HS3ST4: variants seen among roughly 807,000 people sequenced by gnomAD.
HS3ST4 encodes the protein heparan sulfate glucosamine 3-O-sulfotransferase 4.
A neutral mutation model predicts 29.2 loss-of-function variants in HS3ST4; 17 were observed. That is an observed-to-expected ratio of 0.58 (90% confidence interval 0.40 to 0.87). The LOEUF is 0.87. HS3ST4 is among the 40% of genes least tolerant of loss of function. The pLI is 0.00. For missense variants in HS3ST4, 627 were observed against 634.5 expected, an observed-to-expected ratio of 0.99 and a Z score of 0.13; for synonymous variants, 314 against 285.7, an observed-to-expected ratio of 1.10 and a Z score of -1.00.
intron 1 of HS3ST4, among the ~76,000 whole-genome samples, chr16:26,064,610 CTTT>C (rs869047078): frequency 4.5e-5 from 4 of 88,978 alleles, no homozygotes; most frequent in Non-Finnish European, 6.5e-5. Context: ...GGATTGTAGT[CTTT>C]TTTTTTTTTT....
In HS3ST4 at chr16:26,064,122, G is replaced by A. The variant is rs113802457; in HGVS notation, c.735-71490G>A. On this transcript the variant is annotated intron_variant, in intron 1 of 1. Coordinates refer to ENST00000331351, the MANE Select transcript of HS3ST4 (RefSeq NM_006040.3). Reference sequence around the variant, plus strand: ...CGTATGTGCTGTCTGCATGTTGGGGGCTATGGTGAGCCAGACAGCACAGAC... The same window carrying A: ...CGTATGTGCTGTCTGCATGTTGGGGACTATGGTGAGCCAGACAGCACAGAC... Among the ~76,000 whole-genome samples the A allele has an allele frequency of 3.8e-3, 582 of 152,236 alleles. 4 individuals carry two copies. The highest frequency in any genetic ancestry group is 0.013 in the African/African-American group (559 of 41,532).
At chr16:26,015,668 C>A (rs1311564401) in intron 1 of HS3ST4, among the ~76,000 whole-genome samples, 1 of 152,184 alleles carries the variant, frequency 6.6e-6, no homozygotes, top group African/African-American at 2.4e-5. Flanking sequence ...CCACCTTGAA[C>A]CGTCTTGTTA....
At position 25,789,285 on chromosome 16, in the gene HS3ST4, C is replaced by T. The variant is rs548802920; in HGVS notation, c.734+96134C>T. 2.0e-5 allele frequency among the ~76,000 whole-genome samples: 3 copies of T among 151,882 alleles called. No individual in the cohort carries two copies. The South Asian group carries it at 6.3e-4, about 32-fold the overall frequency. ...CTTCCTCCTTCTTGTCCTCTTCTTC[C>T]TCCATCTCCTCTTCTTTCTTTCTTT... is the stretch of plus-strand genomic sequence containing the variant. On this transcript the variant is annotated intron_variant, in intron 1 of 1. Coordinates refer to ENST00000331351, the MANE Select transcript of HS3ST4 (RefSeq NM_006040.3).
At chr16:25,702,889 G>A (rs1485120969) in intron 1 of HS3ST4, among the ~76,000 whole-genome samples, 2 of 151,998 alleles carry the variant, frequency 1.3e-5, no homozygotes, top group Non-Finnish European at 2.9e-5. Context: ...AGTTGAGCAC[G>A]ATGGCTCACA....
chr16:25,798,671 A>G (rs529402038), intron 1 of HS3ST4, among the ~76,000 whole-genome samples: 47 of 152,330 alleles, frequency 3.1e-4, no homozygotes, highest in African/African-American at 1.0e-3. Flanking sequence ...TTCATCCACA[A>G]GGAAAGGGAT....
chr16:26,082,470 T>C (rs1286792938), intron 1 of HS3ST4, among the ~76,000 whole-genome samples: 3 of 152,172 alleles, frequency 2.0e-5, no homozygotes, highest in South Asian at 4.1e-4. Context: ...GGGTTTTGAG[T>C]CTAGACTCCA....
chr16:25,939,723 AG>A (rs960180774), intron 1 of HS3ST4, among the ~76,000 whole-genome samples: 2 of 152,098 alleles, frequency 1.3e-5, no homozygotes, highest in Non-Finnish European at 2.9e-5. Flanking sequence ...TGCACTGCTC[AG>A]GCTGCGCTGG....
At chr16:26,068,608 G>A (rs1898567005) in intron 1 of HS3ST4, among the ~76,000 whole-genome samples, 1 of 152,094 alleles carries the variant, frequency 6.6e-6, no homozygotes, top group Non-Finnish European at 1.5e-5. Context: ...AACATTTCAG[G>A]TAATTTCATC....
chr16:26,000,161 A>G (rs1184444910), intron 1 of HS3ST4, among the ~76,000 whole-genome samples: 2 of 151,948 alleles, frequency 1.3e-5, no homozygotes. Context: ...CTTAAGTAAC[A>G]GAAGAATTTA....
chr16:25,918,642 A>T (rs555685065), intron 1 of HS3ST4, among the ~76,000 whole-genome samples: 1 of 152,270 alleles, frequency 6.6e-6, no homozygotes, highest in Admixed American at 6.5e-5. Context: ...CAGCAGAAAA[A>T]CACCTGGTTC....
chr16:25,749,512 A>G (rs1194713027), intron 1 of HS3ST4, among the ~76,000 whole-genome samples: 1 of 151,988 alleles, frequency 6.6e-6, no homozygotes, highest in Non-Finnish European at 1.5e-5. Context: ...GAAGAAGAAG[A>G]GAAAGAAGAA....
chr16:25,910,957 G>T (rs1173643653), intron 1 of HS3ST4, among the ~76,000 whole-genome samples: 1 of 152,158 alleles, frequency 6.6e-6, no homozygotes, highest in Non-Finnish European at 1.5e-5. Context: ...GCCCTGCCCA[G>T]TCTGAAAGGC....
intron 1 of HS3ST4, among the ~76,000 whole-genome samples, chr16:26,042,405 C>T (rs930759175): frequency 7.2e-5 from 11 of 151,792 alleles, no homozygotes; most frequent in East Asian, 3.9e-4. Context: ...TAAAATGGAG[C>T]GTCCATTCTC....
At chr16:25,951,650 G>A (rs574320160) in intron 1 of HS3ST4, among the ~76,000 whole-genome samples, 21 of 152,216 alleles carry the variant, frequency 1.4e-4, no homozygotes, top group African/African-American at 3.4e-4. Context: ...GTTAAGGTGC[G>A]CCAGCCCCAA....
rs79255387 is a variant in HS3ST4, at chr16:26,133,966, T to G, written c.735-1646T>G. The stretch of plus-strand genomic sequence containing the variant: ...CTGACAGGTATTGAACAGGTTTATC[T>G]TCAATTAACTTTGGTCTACATATGC... On this transcript the variant is annotated intron_variant, in intron 1 of 1. Coordinates refer to ENST00000331351, the MANE Select transcript of HS3ST4 (RefSeq NM_006040.3). Among the ~76,000 whole-genome samples the G allele has an allele frequency of 9.1e-3, 1,381 of 152,352 alleles. 17 individuals carry two copies. The highest frequency in any genetic ancestry group is 0.031 in the African/African-American group (1,305 of 41,574).
chr16:26,053,298 A>C (rs1378470856), intron 1 of HS3ST4, among the ~76,000 whole-genome samples: 1 of 152,232 alleles, frequency 6.6e-6, no homozygotes, highest in East Asian at 1.9e-4. Context: ...AGTCATTCTG[A>C]ATGCTTATCA....
chr16:25,830,373 G>A lies in HS3ST4; in HGVS notation c.734+137222G>A, dbSNP rs548808955. Among the ~76,000 whole-genome samples the A allele has an allele frequency of 1.1e-3, 172 of 152,154 alleles. 1 individual carries two copies. Among genetic ancestry groups the A allele is most frequent in the Middle Eastern group, 3.4e-3 (1 of 294 alleles). ...TTTATCACCCCAATGGAGATTTCTT[G>A]TTTGAAGAATCATACGATGTGTCCT... On this transcript the variant is annotated intron_variant, in intron 1 of 1. Transcript: ENST00000331351.
chr16:25,862,560 C>T (rs1276069696), intron 1 of HS3ST4, among the ~76,000 whole-genome samples: 5 of 152,206 alleles, frequency 3.3e-5, no homozygotes, highest in Non-Finnish European at 4.4e-5. Flanking sequence ...AATGCTCGCT[C>T]GTGCTCACTT....
intron 1 of HS3ST4, among the ~76,000 whole-genome samples, chr16:26,005,873 A>G (rs1344939339): frequency 2.0e-5 from 3 of 152,112 alleles, no homozygotes; most frequent in Non-Finnish European, 1.5e-5. Context: ...ATCGTAGGAT[A>G]TTTAGAAGCA....
Sources: allele counts gnomAD v4.1 joint callset (sites outside exome capture counted in the v4.1 genomes callset), GRCh38; gene constraint gnomAD v4.1.1; transcripts MANE v1.5; gene names NCBI Gene and HGNC (gene_info 2026-07-23, HGNC 2026-07-21).